Variants in CDH20 observed in about 807,000 individuals in gnomAD.
CDH20 encodes the protein cadherin 20, also known as cadherin-20.
A neutral mutation model predicts 74.2 loss-of-function variants in CDH20; 29 were observed. That is an observed-to-expected ratio of 0.39 (90% confidence interval 0.29 to 0.53). The LOEUF (loss-of-function observed/expected upper bound fraction) is 0.53. Among genes scored for constraint, CDH20 ranks in the 20% least tolerant of loss-of-function variants. The pLI is 0.69. For missense variants in CDH20, 988 were observed against 1,048.3 expected, an observed-to-expected ratio of 0.94 and a Z score of 0.79; for synonymous variants, 469 against 405.4, an observed-to-expected ratio of 1.16 and a Z score of -1.88.
chr18:61,523,993 T>C (rs1008683999), intron 6 of CDH20, among the ~76,000 whole-genome samples: 2 of 152,008 alleles, frequency 1.3e-5, no homozygotes, highest in African/African-American at 2.4e-5. Flanking sequence ...CAAACCACCA[T>C]GGCACAGGTA....
intron 2 of CDH20, among the ~76,000 whole-genome samples, chr18:61,498,791 T>C (rs977220897): frequency 6.6e-6 from 1 of 152,260 alleles, no homozygotes; most frequent in African/African-American, 2.4e-5. Context: ...AATTTCTTCA[T>C]TTTAACACGT....
chr18:61,349,201 A>G (rs1269564743), intron 1 of CDH20, among the ~76,000 whole-genome samples: 1 of 152,200 alleles, frequency 6.6e-6, no homozygotes, highest in Non-Finnish European at 1.5e-5. Context: ...CCTAACAGCT[A>G]AAAAATCTCC....
At chr18:61,430,580 C>A (rs1913221861) in intron 1 of CDH20, among the ~76,000 whole-genome samples, 2 of 152,324 alleles carry the variant, frequency 1.3e-5, no homozygotes, top group South Asian at 2.1e-4. Flanking sequence ...AGTATCTACA[C>A]ACATTATTTG....
chr18:61,538,599 T>G (rs1245619654), intron 8 of CDH20, among the ~76,000 whole-genome samples: 5 of 25,430 alleles, frequency 2.0e-4, no homozygotes, highest in Admixed American at 5.5e-4. Flanking sequence ...TTTGTTTGTT[T>G]TTGTTTTTGT....
chr18:61,553,907 C>T (rs553402884), intron 11 of CDH20, among the ~76,000 whole-genome samples: 40 of 152,246 alleles, frequency 2.6e-4, no homozygotes, highest in African/African-American at 9.6e-4. Context: ...TGTAGACACA[C>T]AATTTCAAAA....
chr18:61,336,191 A>G (rs1909754286), intron 1 of CDH20, among the ~76,000 whole-genome samples: 1 of 152,258 alleles, frequency 6.6e-6, no homozygotes, highest in Non-Finnish European at 1.5e-5. Flanking sequence ...GTTGAGCAGC[A>G]TAGGATAACA....
chr18:61,354,112 T>C (rs1910410210), intron 1 of CDH20, among the ~76,000 whole-genome samples: 1 of 151,952 alleles, frequency 6.6e-6, no homozygotes, highest in African/African-American at 2.4e-5. Flanking sequence ...ATGAGCCACA[T>C]TTCCAGGGCA....
chr18:61,387,044 G>T (rs940490132), intron 1 of CDH20, among the ~76,000 whole-genome samples: 12 of 152,130 alleles, frequency 7.9e-5, no homozygotes, highest in Admixed American at 1.3e-4. Flanking sequence ...TAAATTAATA[G>T]TATCCTGTGG....
At chr18:61,512,184 C>A (rs972038423) in intron 6 of CDH20, among the ~76,000 whole-genome samples, 2 of 152,196 alleles carry the variant, frequency 1.3e-5, no homozygotes, top group Admixed American at 1.3e-4. Context: ...CTACCCAGTA[C>A]CTTGGGTCTT....
At chr18:61,359,496 T>C (rs538928588) in intron 1 of CDH20, among the ~76,000 whole-genome samples, 1 of 152,298 alleles carries the variant, frequency 6.6e-6, no homozygotes, top group African/African-American at 2.4e-5. Flanking sequence ...ATGACCAATC[T>C]TCTAAGAATT....
chr18:61,499,356 G>A lies in CDH20; in HGVS notation c.417G>A (p.Arg139=). The change falls in exon 3 of 12, where the codon AGG becomes AGA. Residue 139 remains arginine (R), a synonymous_variant. Transcript: ENST00000262717. The stretch of plus-strand genomic sequence containing the variant: ...CTCTAAGGGCTCAAGCCCTAGACAG[G>A]CGGACGGGCAGGCCAATGGAGCCCG... ...QYTLRAQALD[R]RTGRPMEPES... is the part of the protein sequence containing the mutation. 6.2e-7 allele frequency: 1 copy of A among 1,614,106 alleles called. No individual in the cohort carries two copies. Among genetic ancestry groups the A allele is most frequent in the South Asian group, 1.1e-5 (1 of 91,060 alleles).
At chr18:61,431,400 C>T (rs761688966) in intron 1 of CDH20, among the ~76,000 whole-genome samples, 8 of 151,986 alleles carry the variant, frequency 5.3e-5, no homozygotes, top group South Asian at 4.1e-4. Context: ...AAAGTATGGA[C>T]GTTAGTTAAT....
intron 1 of CDH20, among the ~76,000 whole-genome samples, chr18:61,384,084 G>A (rs1911520382): frequency 6.6e-6 from 1 of 152,172 alleles, no homozygotes. Flanking sequence ...GAAACAGGGG[G>A]TGGTGGTTCT....
At chr18:61,525,380 T>G (rs1402230220) in intron 6 of CDH20, among the ~76,000 whole-genome samples, 1 of 152,124 alleles carries the variant, frequency 6.6e-6, no homozygotes, top group African/African-American at 2.4e-5. Context: ...TGTCCACAAC[T>G]GTGTTACAAA....
intron 1 of CDH20, among the ~76,000 whole-genome samples, chr18:61,385,757 C>A (rs1911576163): frequency 6.6e-6 from 1 of 151,794 alleles, no homozygotes; most frequent in East Asian, 1.9e-4. Flanking sequence ...TGGTGAAACC[C>A]CATCTCTACT....
At chr18:61,497,388 G>A (rs1243393983) in intron 2 of CDH20, among the ~76,000 whole-genome samples, 3 of 152,144 alleles carry the variant, frequency 2.0e-5, no homozygotes, top group Non-Finnish European at 4.4e-5. Flanking sequence ...ATTTGCAGGT[G>A]TTTTATTGGT....
intron 1 of CDH20, among the ~76,000 whole-genome samples, chr18:61,427,811 T>A (rs192580173): frequency 1.3e-5 from 2 of 152,272 alleles, no homozygotes; most frequent in East Asian, 3.9e-4. Context: ...AAGAACAAAT[T>A]TTGAAAAGCT....
At chr18:61,347,287 A>AATATATATATATATAT (rs758677743) in intron 1 of CDH20, among the ~76,000 whole-genome samples, 10 of 86,432 alleles carry the variant, frequency 1.2e-4, no homozygotes, top group South Asian at 4.9e-4. Flanking sequence ...TGTCTCTGCT[A>AATATATATATATATAT]ATATATATAT....
At chr18:61,503,844 G>A (rs1289246925) in intron 5 of CDH20, among the ~76,000 whole-genome samples, 1 of 152,212 alleles carries the variant, frequency 6.6e-6, no homozygotes. Flanking sequence ...TCAACAGGGG[G>A]CTAAAGAATA....
Sources: allele counts gnomAD v4.1 joint callset (sites outside exome capture counted in the v4.1 genomes callset), GRCh38; gene constraint gnomAD v4.1.1; transcripts MANE v1.5; gene names NCBI Gene and HGNC (gene_info 2026-07-23, HGNC 2026-07-21).